UGGT1: variants seen among roughly 807,000 people sequenced by gnomAD.
UGGT1 encodes UDP-glucose glycoprotein glucosyltransferase 1, also known as UDP-glucose:glycoprotein glucosyltransferase 1.
UGGT1 carries 107 observed loss-of-function variants against 203.9 expected under a neutral mutation model. The observed-to-expected ratio is 0.52, with a 90% CI of 0.45 to 0.62. UGGT1 has a LOEUF of 0.62. UGGT1 is among the 20% of genes least tolerant of loss of function. The pLI is 0.00. For missense variants in UGGT1, 1,673 were observed against 1,867.2 expected, an observed-to-expected ratio of 0.90 and a Z score of 1.92; for synonymous variants, 628 against 653.5, an observed-to-expected ratio of 0.96 and a Z score of 0.59.
rs533351678 is a variant in UGGT1, at chr2:128,173,969, T to C, written c.3453+30T>C. On this transcript the variant is annotated intron_variant, in intron 30 of 40. Coordinates refer to ENST00000259253, the MANE Select transcript of UGGT1 (RefSeq NM_020120.4). Reference sequence around the variant, plus strand: ...ATAATCTGTTCATCAGATAGTGATATTGTAGTTACGTTAATTTGGGCACTA... The same window carrying C: ...ATAATCTGTTCATCAGATAGTGATACTGTAGTTACGTTAATTTGGGCACTA... 3.7e-6 allele frequency: 6 copies of C among 1,605,972 alleles called. No homozygotes were observed. The South Asian group carries it at 6.6e-5, about 18-fold the overall frequency.
intron 10 of UGGT1, 27 bp from the exon 11 acceptor site, chr2:128,123,159 G>T: frequency 6.3e-7 from 1 of 1,583,580 alleles, no homozygotes; most frequent in Non-Finnish European, 8.6e-7. Flanking sequence ...ATTAAGCCAA[G>T]CACTCATAAT....
chr2:128,167,715 C>T (rs1417258145), intron 26 of UGGT1, among the ~76,000 whole-genome samples: 2 of 152,202 alleles, frequency 1.3e-5, no homozygotes, highest in Non-Finnish European at 2.9e-5. Flanking sequence ...TTTCTCTGCA[C>T]AATATAGTGA....
At chr2:128,112,974 G>A (rs1309045296) in intron 5 of UGGT1, 110 bp from the exon 6 acceptor site, 4 of 1,016,386 alleles carry the variant, frequency 3.9e-6, no homozygotes, top group Non-Finnish European at 5.4e-6. Flanking sequence ...TTCATATTAA[G>A]ATGCTTATAA....
At chr2:128,165,862 A>G (rs528352282) in intron 26 of UGGT1, among the ~76,000 whole-genome samples, 2 of 152,044 alleles carry the variant, frequency 1.3e-5, no homozygotes, top group East Asian at 3.9e-4. Context: ...TCTGGGCTCA[A>G]GTGATCTTCC....
chr2:128,175,376 T>C (rs1691321854), intron 31 of UGGT1, among the ~76,000 whole-genome samples: 1 of 152,224 alleles, frequency 6.6e-6, no homozygotes, highest in South Asian at 2.1e-4. Flanking sequence ...CTGCACATAT[T>C]TATTAGTTTA....
chr2:128,135,947 C>G (rs2105436171), intron 15 of UGGT1, among the ~76,000 whole-genome samples: 1 of 152,248 alleles, frequency 6.6e-6, no homozygotes, highest in South Asian at 2.1e-4. Flanking sequence ...GGATCACAAC[C>G]AGAGCTATGT....
chr2:128,099,811 G>A (rs1301421203), intron 2 of UGGT1, among the ~76,000 whole-genome samples: 1 of 152,152 alleles, frequency 6.6e-6, no homozygotes, highest in Non-Finnish European at 1.5e-5. Context: ...TAAAAGTGAA[G>A]TGGCTCTTTT....
chr2:128,120,407 T>C lies in UGGT1; in HGVS notation c.924T>C (p.Leu308=), dbSNP rs778451206. ...AGTTGAAAGAACTCAGAAAGCATCT[T>C]GTAGAGAGCACCAATGAAATGGCAC... ...EGQLKELRKH[L]VESTNEMAPL... The change falls in exon 9 of 41, where the codon CTT becomes CTC. Residue 308 remains leucine (L), a synonymous_variant. Coordinates refer to ENST00000259253, the MANE Select transcript of UGGT1 (RefSeq NM_020120.4). The C allele has an allele frequency of 1.2e-6, 2 of 1,614,080 alleles. No individual in the cohort carries two copies. Among genetic ancestry groups the C allele is most frequent in the East Asian group, 4.5e-5 (2 of 44,868 alleles).
chr2:128,097,619 C>T, intron 2 of UGGT1, 55 bp downstream of exon 2: 4 of 1,592,984 alleles, frequency 2.5e-6, no homozygotes, highest in South Asian at 1.1e-5. Flanking sequence ...TAGGCTCTGA[C>T]AGTGAACATT....
At chr2:128,142,584 C>CAA (rs140971109) in intron 16 of UGGT1, among the ~76,000 whole-genome samples, 3 of 57,386 alleles carry the variant, frequency 5.2e-5, no homozygotes, top group Middle Eastern at 0.014. Flanking sequence ...GACTCCATCT[C>CAA]AAAAAAAAAA....
intron 17 of UGGT1, among the ~76,000 whole-genome samples, chr2:128,144,136 G>A (rs142878319): frequency 1.6e-4 from 24 of 152,284 alleles, no homozygotes; most frequent in African/African-American, 5.5e-4. Context: ...TCTAACCTAC[G>A]TGGGCAAACA....
intron 30 of UGGT1, 79 bp from the exon 31 acceptor site, chr2:128,174,694 G>T: frequency 8.4e-7 from 1 of 1,191,340 alleles, no homozygotes; most frequent in Non-Finnish European, 1.2e-6. Flanking sequence ...TGATATTTCA[G>T]AAATAGAAGT....
chr2:128,121,705 C>T (rs995468555), intron 10 of UGGT1, among the ~76,000 whole-genome samples: 10 of 152,076 alleles, frequency 6.6e-5, no homozygotes, highest in Admixed American at 5.9e-4. Context: ...CCACGCCTGG[C>T]GAAAATTAAG....
chr2:128,126,191 C>G lies in UGGT1; in HGVS notation c.1135-1170C>G, dbSNP rs375295486. Reference sequence around the variant, plus strand: ...TCTCCTGACCTCATGATCTGCCTGCCTTGGCCTCCCAAAGTGGTGGGATTA... The same window carrying G: ...TCTCCTGACCTCATGATCTGCCTGCGTTGGCCTCCCAAAGTGGTGGGATTA... On this transcript the variant is annotated intron_variant, in intron 11 of 40. Transcript: ENST00000259253. Among the ~76,000 whole-genome samples, 46 of 151,712 alleles carry G rather than the reference C, an allele frequency of 3.0e-4. 1 individual carries two copies. The South Asian group carries it at 7.1e-3, about 23-fold the overall frequency.
At chr2:128,135,264 T>A (rs1689079822) in intron 15 of UGGT1, among the ~76,000 whole-genome samples, 1 of 152,238 alleles carries the variant, frequency 6.6e-6, no homozygotes, top group Non-Finnish European at 1.5e-5. Flanking sequence ...TCACAAAACC[T>A]ATTTCCACTT....
At chr2:128,130,261 A>AC (rs1688811907) in intron 13 of UGGT1, among the ~76,000 whole-genome samples, 1 of 104,604 alleles carries the variant, frequency 9.6e-6, no homozygotes, top group South Asian at 2.6e-4. Context: ...ACTCCGTCAC[A>AC]AAAAAAAAAA....
chr2:128,116,059 A>G (rs1688086425), intron 7 of UGGT1, among the ~76,000 whole-genome samples: 4 of 152,190 alleles, frequency 2.6e-5, no homozygotes, highest in Admixed American at 2.6e-4. Context: ...CCAGGAACAC[A>G]GGAGATATTA....
intron 11 of UGGT1, among the ~76,000 whole-genome samples, chr2:128,125,878 A>G (rs1282996346): frequency 6.6e-6 from 1 of 150,704 alleles, no homozygotes; most frequent in Non-Finnish European, 1.5e-5. Flanking sequence ...ATTATACTAT[A>G]TTGCTGTTTC....
chr2:128,129,208 A>G, intron 13 of UGGT1, 29 bp downstream of exon 13: 1 of 1,585,086 alleles, frequency 6.3e-7, no homozygotes, highest in Non-Finnish European at 8.6e-7. Context: ...TGATCAAAGG[A>G]CTTTCTGACC....
Sources: allele counts gnomAD v4.1 joint callset (sites outside exome capture counted in the v4.1 genomes callset), GRCh38; gene constraint gnomAD v4.1.1; transcripts MANE v1.5; gene names NCBI Gene and HGNC (gene_info 2026-07-23, HGNC 2026-07-21).